PISD: variants seen among roughly 807,000 people sequenced by gnomAD.
PISD encodes phosphatidylserine decarboxylase.
Under a neutral mutation model 43.5 loss-of-function variants are expected in PISD, and 31 were observed. The ratio of observed to expected loss-of-function variants is 0.71; its 90% CI spans 0.54 to 0.96. The LOEUF (loss-of-function observed/expected upper bound fraction) is 0.96, where lower values mean the gene tolerates loss of function less well. Among genes scored for constraint, PISD ranks in the 40% least tolerant of loss-of-function variants. The pLI is 0.00. For missense variants in PISD, 523 were observed against 548.4 expected, an observed-to-expected ratio of 0.95 and a Z score of 0.46; for synonymous variants, 259 against 228.7, an observed-to-expected ratio of 1.13 and a Z score of -1.20.
At chr22:31,654,907 A>G (rs1279584144) in intron 1 of PISD, among the ~76,000 whole-genome samples, 1 of 151,970 alleles carries the variant, frequency 6.6e-6, no homozygotes, top group Non-Finnish European at 1.5e-5. Flanking sequence ...AAAACCCAGT[A>G]GCTACTAAAA....
intron 3 of PISD, chr22:31,638,712 C>T (rs2073593342): frequency 2.7e-6 from 2 of 747,642 alleles, no homozygotes. Context: ...CTCTCAAACT[C>T]CTGGGCTCAA....
At chr22:31,637,158 AAAAAAAATATATATATATATAT>A (rs1288172570) in intron 3 of PISD, among the ~76,000 whole-genome samples, 1,590 of 34,064 alleles carry the variant, frequency 0.047, 91 homozygotes, top group Admixed American at 0.081. Flanking sequence ...AAAAAAAAAA[AAAAAAAATATATATATATATAT>A]ATATATATAT....
intron 3 of PISD, among the ~76,000 whole-genome samples, chr22:31,646,232 A>G (rs1285932739): frequency 3.3e-5 from 5 of 152,186 alleles, no homozygotes; most frequent in Non-Finnish European, 5.9e-5. Flanking sequence ...CCTCATATCT[A>G]CAAAAAAAGA....
At position 31,628,452 on chromosome 22, in the gene PISD, G is replaced by T. The variant is rs112159216; in HGVS notation, c.322-6567C>A. On this transcript the variant is annotated intron_variant, in intron 3 of 7. Transcript: ENST00000439502. ...TTGCAAGAAGGGTATCCAGAATGGA[G>T]GAAGCACTGACACCTTCCCTCCCTT... is the stretch of plus-strand genomic sequence containing the variant. Among the ~76,000 whole-genome samples, 878 of 152,346 alleles carry T rather than the reference G, an allele frequency of 5.8e-3. 7 individuals are homozygous for T. Among genetic ancestry groups the T allele is most frequent in the African/African-American group, 0.02 (836 of 41,586 alleles).
intron 1 of PISD, among the ~76,000 whole-genome samples, chr22:31,661,482 T>C (rs1376817866): frequency 6.6e-6 from 1 of 152,144 alleles, no homozygotes; most frequent in Non-Finnish European, 1.5e-5. Flanking sequence ...GAGAGAAAGA[T>C]CGTCGCGTGA....
chr22:31,642,763 C>T (rs1251883836), intron 3 of PISD, among the ~76,000 whole-genome samples: 1 of 144,742 alleles, frequency 6.9e-6, no homozygotes, highest in African/African-American at 2.7e-5. Context: ...CCACTGGACT[C>T]CAGCCTGGGA....
rs2147588553 is a variant in PISD at position 31,618,808 on chromosome 22, CATGTAGGGATAT to C, written c.*792_*803del. 1 of 168,440 alleles carries C rather than the reference CATGTAGGGATAT, an allele frequency of 5.9e-6. No homozygotes were observed. The highest frequency in any genetic ancestry group is 1.7e-4 in the East Asian group (1 of 5,840). 10.4% of individuals were successfully genotyped at this position (168,440 alleles called of 1,614,324 possible). ...CAATAGCAGCAACTTTCCCATATTT[CATGTAGGGATAT>C]GTGGAGGGGGACAGGAACTCTCCCA... On this transcript the variant is annotated 3_prime_UTR_variant, in exon 8 of 8. Coordinates refer to ENST00000439502, the MANE Select transcript of PISD (RefSeq NM_001326411.2).
At chr22:31,638,285 C>A (rs2147742679) in intron 3 of PISD, 1 of 766,420 alleles carries the variant, frequency 1.3e-6, no homozygotes, top group African/African-American at 1.9e-5. Flanking sequence ...CAGGTCCAGT[C>A]ACAACAGCAG....
At chr22:31,638,736 C>T (rs2073594409) in intron 3 of PISD, 1 of 409,462 alleles carries the variant, frequency 2.4e-6, no homozygotes, top group Non-Finnish European at 3.3e-6. Flanking sequence ...ATCTTCCTGC[C>T]TCAGCCTCTC....
chr22:31,636,928 G>C (rs1023158943), intron 3 of PISD, among the ~76,000 whole-genome samples: 3 of 150,146 alleles, frequency 2.0e-5, no homozygotes, highest in African/African-American at 7.4e-5. Context: ...CACCCATCTC[G>C]GTCTCCCAAA....
chr22:31,619,329 G>GTGTT lies in PISD; in HGVS notation c.*279_*282dup, dbSNP rs2072343891. 1.3e-5 allele frequency: 6 copies of GTGTT among 469,014 alleles called. No homozygotes were observed. Among genetic ancestry groups the GTGTT allele is most frequent in the Admixed American group, 2.8e-5 (1 of 35,194 alleles). 29.1% of individuals were successfully genotyped at this position (469,014 alleles called of 1,614,324 possible). A position where few individuals can be genotyped will look rare whatever the true frequency, so the allele number is the denominator to read the frequency against. ...GAATGCAGGCTCTTCCGTCTATACA[G>GTGTT]TGTTTAAAAAGATCCAAATGTGACT... On this transcript the variant is annotated 3_prime_UTR_variant, in exon 8 of 8. Coordinates refer to ENST00000439502, the MANE Select transcript of PISD (RefSeq NM_001326411.2).
chr22:31,646,673 G>C (rs945526589), intron 3 of PISD, among the ~76,000 whole-genome samples: 3 of 152,110 alleles, frequency 2.0e-5, no homozygotes, highest in African/African-American at 7.2e-5. Context: ...TAACACTTGA[G>C]GGGGGTCATG....
At position 31,630,239 on chromosome 22, in the gene PISD, C is replaced by T. The variant is rs1475547439; in HGVS notation, c.322-8354G>A. Among the ~76,000 whole-genome samples the T allele has an allele frequency of 6.6e-6, 1 of 152,090 alleles. No individual in the cohort carries two copies. Among genetic ancestry groups the T allele is most frequent in the African/African-American group, 2.4e-5 (1 of 41,410 alleles). On this transcript the variant is annotated intron_variant, in intron 3 of 7. Coordinates refer to ENST00000439502, the MANE Select transcript of PISD (RefSeq NM_001326411.2). The surrounding 1 kb of genome is among the most constrained non-coding windows in gnomAD (Gnocchi z 4.4). The stretch of plus-strand genomic sequence containing the variant: ...ACTCGCAGGGGTCTATCCTAGCCGC[C>T]CAAAGACAGGGAACCTCCTCTCAGA...
chr22:31,648,520 C>T (rs1293394370), intron 2 of PISD, among the ~76,000 whole-genome samples: 1 of 152,054 alleles, frequency 6.6e-6, no homozygotes, highest in African/African-American at 2.4e-5. Flanking sequence ...AAAAAGAAAA[C>T]TTAGCCGGGC....
chr22:31,635,333 G>A (rs1229600224), intron 3 of PISD, among the ~76,000 whole-genome samples: 1 of 151,978 alleles, frequency 6.6e-6, no homozygotes, highest in Non-Finnish European at 1.5e-5. Flanking sequence ...GACAGAGTCT[G>A]ACTCTATCCC....
chr22:31,621,266 A>G (rs2072551198), intron 5 of PISD, 68 bp downstream of exon 5: 1 of 1,610,636 alleles, frequency 6.2e-7, no homozygotes, highest in South Asian at 1.1e-5. Flanking sequence ...CTTCCCCAGC[A>G]TTCCCCTCCC....
At chr22:31,654,948 C>A (rs2074125008) in intron 1 of PISD, among the ~76,000 whole-genome samples, 1 of 151,752 alleles carries the variant, frequency 6.6e-6, no homozygotes, top group Non-Finnish European at 1.5e-5. Flanking sequence ...TGGTGGTGTG[C>A]CCCTGTAATC....
Position 31,630,622 on chromosome 22 carries a change from G to T in PISD, c.322-8737C>A. ...AAAAGCCCACGACTCGCTCAACCTT[G>T]TCCGCGGGGCTCCTCAGGCCGGGGC... On this transcript the variant is annotated intron_variant, in intron 3 of 7. Transcript: ENST00000439502. The surrounding 1 kb of genome is among the most constrained non-coding windows in gnomAD (Gnocchi z 4.4). The T allele has an allele frequency of 3.0e-6, 2 of 666,950 alleles. No homozygotes were observed. Among genetic ancestry groups the T allele is most frequent in the Non-Finnish European group, 3.7e-6 (2 of 538,828 alleles). The allele number at this position is 666,950 out of a possible 1,614,324, so 41.3% of individuals were successfully genotyped here. A position where few individuals can be genotyped will look rare whatever the true frequency, so the allele number is the denominator to read the frequency against.
chr22:31,621,872 T>G lies in PISD; in HGVS notation c.335A>C (p.Lys112Thr), dbSNP rs748372650. Residue 112 changes from lysine (K) to threonine (T), a missense_variant, in exon 4 of 8, where the codon AAG becomes ACG. Transcript: ENST00000439502. ...LAGHWEVALY[K>T]SVPTRLLSRA... Reference sequence around the variant, plus strand: ...TGACAGCAAGCGCGTTGGCACTGACTTGTACAAAGCCACCTGCAGGCCACA... The same window carrying G: ...TGACAGCAAGCGCGTTGGCACTGACGTGTACAAAGCCACCTGCAGGCCACA... 4 of 1,608,278 alleles carry G rather than the reference T, an allele frequency of 2.5e-6. No individual in the cohort carries two copies. Among genetic ancestry groups the G allele is most frequent in the Non-Finnish European group, 3.4e-6 (4 of 1,179,912 alleles).
Sources: allele counts gnomAD v4.1 joint callset (sites outside exome capture counted in the v4.1 genomes callset), GRCh38; gene constraint gnomAD v4.1.1; non-coding constraint Gnocchi (gnomAD v3.1); transcripts MANE v1.5; gene names NCBI Gene and HGNC (gene_info 2026-07-23, HGNC 2026-07-21).